BCL11A: variants seen among roughly 807,000 people sequenced by gnomAD.
The protein encoded by BCL11A is B cell CLL/lymphoma 11A.
A neutral mutation model predicts 55.9 loss-of-function variants in BCL11A; 2 were observed. The ratio of observed to expected loss-of-function variants is 0.04; its 90% CI spans 0.01 to 0.11. BCL11A has a LOEUF of 0.11. BCL11A is among the 10% of genes least tolerant of loss of function. The pLI is 1.00. For missense variants in BCL11A, 817 were observed against 1,137.1 expected (o/e 0.72, Z 4.05); for synonymous variants, 465 against 473.4 (o/e 0.98, Z 0.23).
At chr2:60,506,708 C>CG (rs1338113309) in intron 2 of BCL11A, among the ~76,000 whole-genome samples, 3 of 152,252 alleles carry the variant, frequency 2.0e-5, no homozygotes, top group African/African-American at 7.2e-5. Flanking sequence ...GACAGCCCCC[C>CG]GCATGTTTCC....
chr2:60,544,111 A>G (rs1194289461), intron 2 of BCL11A: 1 of 152,232 alleles, frequency 6.6e-6, no homozygotes, highest in Non-Finnish European at 1.5e-5. Context: ...TGGTTAATCT[A>G]AGACTGAATA....
chr2:60,510,939 C>T (rs1025611245), intron 2 of BCL11A, among the ~76,000 whole-genome samples: 3 of 152,212 alleles, frequency 2.0e-5, no homozygotes, highest in Non-Finnish European at 4.4e-5. Flanking sequence ...CCAGTTAAAA[C>T]CAAACGAAAG....
rs1323014159 is a variant in BCL11A, at chr2:60,461,203, T to C, written c.1709A>G (p.His570Arg). Reference sequence around the variant, plus strand: ...GGCCTCGGCCAGGTGGCCGCGCTTATGCTTCTCGCCCAGGACCTGGTGGAA... The same window carrying C: ...GGCCTCGGCCAGGTGGCCGCGCTTACGCTTCTCGCCCAGGACCTGGTGGAA... ...EAFHQVLGEK[H>R]KRGHLAEAEG... Residue 570 changes from histidine to arginine, a missense_variant, in exon 4 of 4, where the codon CAT becomes CGT. Physicochemically the swap from His to Arg is conservative, Grantham distance 29 (BLOSUM62 0). Around this residue, in one of 4 missense-constraint regions of BCL11A, gnomAD observed 379 missense variants for 425.3 expected, o/e 0.89. Transcript: ENST00000642384. 1.9e-6 allele frequency: 3 copies of C among 1,612,322 alleles called. No homozygotes were observed. Among genetic ancestry groups the C allele is most frequent in the South Asian group, 2.2e-5 (2 of 91,074 alleles).
At chr2:60,480,090 G>T (rs1677868409) in intron 2 of BCL11A, among the ~76,000 whole-genome samples, 2 of 152,206 alleles carry the variant, frequency 1.3e-5, no homozygotes, top group Non-Finnish European at 2.9e-5. Context: ...CCCGGGAGGA[G>T]GCCCCACTGA....
At chr2:60,467,927 G>A (rs1255869355) in intron 3 of BCL11A, among the ~76,000 whole-genome samples, 1 of 125,896 alleles carries the variant, frequency 7.9e-6, no homozygotes, top group Non-Finnish European at 1.8e-5. Context: ...GGTGGTGGTG[G>A]TAGTGATGGT....
intron 2 of BCL11A, chr2:60,508,741 A>T (rs150653400): frequency 5.3e-5 from 8 of 152,356 alleles, no homozygotes; most frequent in African/African-American, 1.7e-4. Context: ...AGGCCTGTGC[A>T]TTTCCCTGAG....
intron 2 of BCL11A, among the ~76,000 whole-genome samples, chr2:60,513,823 T>A (rs1668599262): frequency 6.6e-6 from 1 of 152,226 alleles, no homozygotes; most frequent in Admixed American, 6.5e-5. Flanking sequence ...CACCTTGCAG[T>A]CTGAAGGGCA....
intron 1 of BCL11A, among the ~76,000 whole-genome samples, chr2:60,551,396 C>T (rs1323915301): frequency 6.6e-6 from 1 of 152,220 alleles, no homozygotes; most frequent in Non-Finnish European, 1.5e-5. Flanking sequence ...AATGCACACT[C>T]AAACACACTT....
chr2:60,469,133 G>A (rs1377818287), intron 2 of BCL11A, among the ~76,000 whole-genome samples: 2 of 152,176 alleles, frequency 1.3e-5, no homozygotes, highest in Non-Finnish European at 2.9e-5. Flanking sequence ...ATTGTCTTGT[G>A]GAAAGAAGAT....
intron 2 of BCL11A, among the ~76,000 whole-genome samples, chr2:60,497,728 A>G (rs1201646939): frequency 1.3e-5 from 2 of 151,800 alleles, no homozygotes; most frequent in African/African-American, 2.4e-5. Context: ...CCAGCCTCCT[A>G]CTCTTCTCTT....
chr2:60,468,699 G>T, intron 3 of BCL11A, 33 bp downstream of exon 3: 2 of 1,502,128 alleles, frequency 1.3e-6, no homozygotes, highest in South Asian at 1.1e-5. Flanking sequence ...CTATACACAT[G>T]GACATTTGTA....
Position 60,461,317 on chromosome 2 carries a change from G to C in BCL11A, c.1595C>G (p.Ala532Gly), listed in dbSNP as rs200811371. 5 of 1,599,584 alleles carry C rather than the reference G, an allele frequency of 3.1e-6. No individual in the cohort carries two copies. The African/African-American group carries it at 6.7e-5, about 21-fold the overall frequency. The change falls in exon 4 of 4, where the codon GCG becomes GGG. Residue 532 changes from alanine (A) to glycine (G), a missense_variant. By Grantham distance (60) the Ala-to-Gly change is moderately conservative. Around this residue, in one of 4 missense-constraint regions of BCL11A, gnomAD observed 379 missense variants for 425.3 expected, o/e 0.89. Transcript: ENST00000642384. ...ARHHENSSRG[A>G]VVGVGDESRA... is the part of the protein sequence containing the mutation. ...GCTCTCGTCGCCCACGCCCACGACC[G>C]CGCCCCGCGAGCTGTTCTCGTGGTG...
intron 2 of BCL11A, among the ~76,000 whole-genome samples, chr2:60,489,726 C>A (rs1678509759): frequency 6.6e-6 from 1 of 152,288 alleles, no homozygotes; most frequent in African/African-American, 2.4e-5. Context: ...CCGGGCCGTT[C>A]TCCTTTCCAA....
At chr2:60,515,008 G>T (rs1668671047) in intron 2 of BCL11A, among the ~76,000 whole-genome samples, 1 of 152,152 alleles carries the variant, frequency 6.6e-6, no homozygotes, top group South Asian at 2.1e-4. Flanking sequence ...CCTCTGGTGA[G>T]ACAGGCTCTA....
downstream of BCL11A, chr2:60,452,727 A>G (rs1029073024): frequency 1.5e-5 from 20 of 1,345,638 alleles, no homozygotes; most frequent in South Asian, 2.4e-5. Flanking sequence ...ACTTGGCCCA[A>G]TGATTTTCTG....
chr2:60,547,509 AT>A (rs199598915), intron 1 of BCL11A, among the ~76,000 whole-genome samples: 10,678 of 143,840 alleles, frequency 0.074, 494 homozygotes, highest in Middle Eastern at 0.11. Flanking sequence ...TGCTTGCTCT[AT>A]CAAAAAAAAA....
At chr2:60,530,093 C>T (rs1669379506) in intron 2 of BCL11A, among the ~76,000 whole-genome samples, 2 of 151,974 alleles carry the variant, frequency 1.3e-5, no homozygotes, top group South Asian at 4.1e-4. Context: ...TCACAATAAA[C>T]TAAAAAACAC....
At chr2:60,536,416 T>C (rs1482529323) in intron 2 of BCL11A, 2 of 152,142 alleles carry the variant, frequency 1.3e-5, no homozygotes, top group East Asian at 1.9e-4. Flanking sequence ...TTAGAAAGGA[T>C]AGGATGCAGA....
chr2:60,509,784 T>C (rs1434329585), intron 2 of BCL11A, among the ~76,000 whole-genome samples: 1 of 151,938 alleles, frequency 6.6e-6, no homozygotes, highest in African/African-American at 2.4e-5. Context: ...GGGGGGCTAC[T>C]CTCTTTCCCC....
Sources: allele counts gnomAD v4.1 joint callset (sites outside exome capture counted in the v4.1 genomes callset), GRCh38; gene constraint gnomAD v4.1.1; regional missense constraint gnomAD v4.1.1; transcripts MANE v1.5; gene names NCBI Gene and HGNC (gene_info 2026-07-23, HGNC 2026-07-21).